Variants in CDC73 observed in about 807,000 individuals in gnomAD.
The protein encoded by CDC73 is cell division cycle 73.
A neutral mutation model predicts 83.7 loss-of-function variants in CDC73; 21 were observed. The ratio of observed to expected loss-of-function variants is 0.25; its 90% CI spans 0.18 to 0.36. CDC73 has a LOEUF of 0.36. Ranked by LOEUF, CDC73 falls within the 10% of genes least tolerant of loss-of-function variation. CDC73 has a pLI of 1.00. For missense variants in CDC73, 342 were observed against 653.3 expected, an observed-to-expected ratio of 0.52 and a Z score of 5.19; for synonymous variants, 224 against 212.9, an observed-to-expected ratio of 1.05 and a Z score of -0.45.
intron 10 of CDC73, chr1:193,186,261 G>A (rs1558303450): frequency 6.6e-6 from 1 of 151,918 alleles, no homozygotes; most frequent in Non-Finnish European, 1.5e-5. Flanking sequence ...TCTCTCTTTC[G>A]TTAAACAAAA....
At chr1:193,215,476 A>G (rs1677351609) in intron 13 of CDC73, among the ~76,000 whole-genome samples, 1 of 152,208 alleles carries the variant, frequency 6.6e-6, no homozygotes, top group South Asian at 2.1e-4. Flanking sequence ...TATTATTTGT[A>G]CTGTGGAGAT....
intron 11 of CDC73, among the ~76,000 whole-genome samples, chr1:193,208,082 G>T (rs1261424678): frequency 2.6e-5 from 4 of 152,180 alleles, no homozygotes; most frequent in Admixed American, 1.3e-4. Flanking sequence ...ATAGTCTTCT[G>T]CTTTTTCATA....
chr1:193,177,597 T>TTAG (rs1466054324), intron 10 of CDC73, among the ~76,000 whole-genome samples: 1 of 152,030 alleles, frequency 6.6e-6, no homozygotes, highest in Admixed American at 6.6e-5. Context: ...CTGTGTGATC[T>TTAG]TAGGTATTTA....
intron 15 of CDC73, among the ~76,000 whole-genome samples, chr1:193,241,844 G>T (rs554833765): frequency 1.3e-5 from 2 of 152,336 alleles, no homozygotes; most frequent in South Asian, 4.1e-4. Context: ...CAGGCCTCCA[G>T]GTCGCAGGCA....
intron 10 of CDC73, among the ~76,000 whole-genome samples, chr1:193,185,635 A>G (rs1459666131): frequency 2.6e-5 from 4 of 152,084 alleles, no homozygotes; most frequent in Non-Finnish European, 4.4e-5. Context: ...TTTGATAGCC[A>G]TTTTTAAGAG....
At position 193,234,358 on chromosome 1, in the gene CDC73, T is replaced by G. The variant is rs955567409; in HGVS notation, c.1316+1204T>G. ...CACACATAAATATATATATATATAT[T>G]TAAAATTATAATTCTTCTCTGGTAC... On this transcript the variant is annotated intron_variant, in intron 14 of 16. Transcript: ENST00000367435. Among the ~76,000 whole-genome samples the G allele has an allele frequency of 6.6e-5, 9 of 135,586 alleles. No homozygotes were observed. The South Asian group carries it at 2.0e-3, about 30-fold the overall frequency. 88.9% of individuals were successfully genotyped at this position (135,586 alleles called of 152,430 possible). A position where few individuals can be genotyped will look rare whatever the true frequency, so the allele number is the denominator to read the frequency against.
chr1:193,158,506 A>AG (rs1676247314), intron 10 of CDC73, among the ~76,000 whole-genome samples: 2 of 151,882 alleles, frequency 1.3e-5, no homozygotes, highest in South Asian at 4.2e-4. Flanking sequence ...TAAAAATAAA[A>AG]AAAAAAATTA....
At position 193,254,329 on chromosome 1, in the gene CDC73, C is replaced by A. The variant is rs1273069965; in HGVS notation, c.*3617C>A. Among the ~76,000 whole-genome samples, 2 of 151,940 alleles carry A rather than the reference C, an allele frequency of 1.3e-5. No homozygotes were observed. The highest frequency in any genetic ancestry group is 3.9e-4 in the East Asian group (2 of 5,194). On this transcript the variant is annotated 3_prime_UTR_variant, in exon 17 of 17. Transcript: ENST00000367435. ...GCTGCTCTGTTTCTTTAAAAAAGTA[C>A]AACATGAAAATTTAATTACATTAGC...
intron 10 of CDC73, among the ~76,000 whole-genome samples, chr1:193,166,109 C>T (rs142258810): frequency 0.012 from 1,857 of 152,168 alleles, 19 homozygotes; most frequent in South Asian, 0.034. Context: ...AATGAAGAGT[C>T]AGGTATGAGC....
Position 193,135,527 on chromosome 1 carries a change from T to C in CDC73, c.371-10T>C. 6.2e-7 allele frequency: 1 copy of C among 1,613,458 alleles called. No individual in the cohort carries two copies. Among genetic ancestry groups the C allele is most frequent in the Non-Finnish European group, 8.5e-7 (1 of 1,179,456 alleles). On this transcript the variant is annotated splice_polypyrimidine_tract_variant and intron_variant, in intron 4 of 16. Coordinates refer to ENST00000367435, the MANE Select transcript of CDC73 (RefSeq NM_024529.5). ...AACTACACATTTATTTACTTCTCTT[T>C]CTTTTATAGTCAAACGAGCTGCAGA...
chr1:193,200,624 T>G (rs1474959718), intron 10 of CDC73, among the ~76,000 whole-genome samples: 1 of 152,216 alleles, frequency 6.6e-6, no homozygotes, highest in Non-Finnish European at 1.5e-5. Flanking sequence ...ACTTGTCAGC[T>G]CTTTTGTTTT....
chr1:193,133,649 AG>A (rs1675733967), intron 3 of CDC73, among the ~76,000 whole-genome samples: 1 of 152,192 alleles, frequency 6.6e-6, no homozygotes, highest in Non-Finnish European at 1.5e-5. Flanking sequence ...TTCAGTTACA[AG>A]CTGATAAAAG....
At chr1:193,206,230 G>A (rs1392009061) in intron 11 of CDC73, among the ~76,000 whole-genome samples, 1 of 152,078 alleles carries the variant, frequency 6.6e-6, no homozygotes, top group Non-Finnish European at 1.5e-5. Flanking sequence ...ACCTCTTAAT[G>A]TTCTAGCTTA....
At chr1:193,241,859 T>G (rs931461164) in intron 15 of CDC73, among the ~76,000 whole-genome samples, 6 of 151,570 alleles carry the variant, frequency 4.0e-5, no homozygotes, top group African/African-American at 7.3e-5. Flanking sequence ...CAGGCAGGGG[T>G]GGGGTGTTCT....
At chr1:193,177,624 C>T (rs777605212) in intron 10 of CDC73, among the ~76,000 whole-genome samples, 2 of 151,900 alleles carry the variant, frequency 1.3e-5, no homozygotes, top group Non-Finnish European at 2.9e-5. Flanking sequence ...TACACGAGTC[C>T]TTCCTGTCTT....
At chr1:193,237,629 G>A (rs1339432864) in intron 15 of CDC73, among the ~76,000 whole-genome samples, 1 of 152,114 alleles carries the variant, frequency 6.6e-6, no homozygotes, top group East Asian at 1.9e-4. Flanking sequence ...GTGGTGGGGT[G>A]GCGAGGCAGT....
intron 9 of CDC73, among the ~76,000 whole-genome samples, chr1:193,151,889 T>G (rs1486986318): frequency 6.6e-6 from 1 of 152,140 alleles, no homozygotes; most frequent in East Asian, 1.9e-4. Context: ...TGAACTGCAG[T>G]GCCACTGTAC....
chr1:193,177,528 T>TAAA (rs556503372), intron 10 of CDC73, among the ~76,000 whole-genome samples: 11 of 104,440 alleles, frequency 1.1e-4, no homozygotes, highest in African/African-American at 2.4e-4. Context: ...AGACTCTGTC[T>TAAA]AAAAAAAAAA....
chr1:193,238,777 A>C (rs1223245668), intron 15 of CDC73, among the ~76,000 whole-genome samples: 2 of 152,224 alleles, frequency 1.3e-5, no homozygotes, highest in Non-Finnish European at 2.9e-5. Flanking sequence ...AGAAAATCGT[A>C]AGAAAGAGAA....
Sources: allele counts gnomAD v4.1 joint callset (sites outside exome capture counted in the v4.1 genomes callset), GRCh38; gene constraint gnomAD v4.1.1; transcripts MANE v1.5; gene names NCBI Gene and HGNC (gene_info 2026-07-23, HGNC 2026-07-21).